The following PDE1A variants were observed in gnomAD, a reference collection of about 807,000 sequenced individuals.
The protein encoded by PDE1A is phosphodiesterase 1A, also known as dual specificity calcium/calmodulin-dependent 3',5'-cyclic nucleotide phosphodiesterase 1A.
In PDE1A, 35 loss-of-function variants were observed where a neutral mutation model predicts 61.7. That is an observed-to-expected ratio of 0.57 (90% CI 0.43 to 0.75). PDE1A has a LOEUF of 0.75. PDE1A is among the 30% of genes least tolerant of loss of function. The pLI is 0.00. For missense variants in PDE1A, 597 were observed against 630.6 expected (o/e 0.95, Z 0.57); for synonymous variants, 232 against 213.2 (o/e 1.09, Z -0.77).
At chr2:182,406,490 A>C (rs1229589425) in intron 1 of PDE1A, among the ~76,000 whole-genome samples, 1 of 152,138 alleles carries the variant, frequency 6.6e-6, no homozygotes, top group Non-Finnish European at 1.5e-5. Flanking sequence ...ATAAATTATC[A>C]ACTGCTGTGC....
the PDE1A span, among the ~76,000 whole-genome samples, chr2:182,679,182 A>T: frequency 2.1e-5 from 3 of 141,054 alleles, no homozygotes; most frequent in Admixed American, 6.9e-5. Flanking sequence ...TATTATTATT[A>T]TTATTATTAT....
chr2:182,292,408 A>G (rs1463598817), intron 1 of PDE1A, among the ~76,000 whole-genome samples: 2 of 151,970 alleles, frequency 1.3e-5, no homozygotes, highest in Non-Finnish European at 2.9e-5. Context: ...TCATGTTTTC[A>G]TATTTTAAAT....
the PDE1A span, among the ~76,000 whole-genome samples, chr2:182,610,961 A>C: frequency 1.3e-5 from 2 of 152,238 alleles, no homozygotes; most frequent in Non-Finnish European, 1.5e-5. Flanking sequence ...CACAAAGTGC[A>C]AGCCAAGTGC....
chr2:182,388,021 G>T (rs571427029), intron 1 of PDE1A, among the ~76,000 whole-genome samples: 1 of 152,194 alleles, frequency 6.6e-6, no homozygotes, highest in East Asian at 1.9e-4. Context: ...CCAAAAAAGA[G>T]CAGGAGTAAC....
the PDE1A span, among the ~76,000 whole-genome samples, chr2:182,597,142 A>AC: frequency 1.3e-5 from 2 of 150,780 alleles, no homozygotes; most frequent in African/African-American, 5.0e-5. Context: ...ACAGAGTGAG[A>AC]CCCCATCTCA....
At chr2:182,713,455 A>C in the PDE1A span, among the ~76,000 whole-genome samples, 1 of 152,058 alleles carries the variant, frequency 6.6e-6, no homozygotes, top group African/African-American at 2.4e-5. Context: ...ATATGATGAA[A>C]CCTCGTCTCT....
chr2:182,627,713 C>T, the PDE1A span, among the ~76,000 whole-genome samples: 3 of 151,348 alleles, frequency 2.0e-5, no homozygotes, highest in Non-Finnish European at 2.9e-5. Context: ...GAGGCTAAGG[C>T]GGGCGGATCA....
chr2:182,431,781 C>G (rs1231120399), upstream of PDE1A, among the ~76,000 whole-genome samples: 3 of 152,062 alleles, frequency 2.0e-5, no homozygotes, highest in Non-Finnish European at 4.4e-5. Flanking sequence ...CACTCTGTCT[C>G]TGGGGTCACT....
chr2:182,296,787 C>G lies in PDE1A; in HGVS notation c.54-32373G>C, dbSNP rs537042453. On this transcript the variant is annotated intron_variant, in intron 1 of 13. Transcript: ENST00000351439. Reference sequence around the variant, plus strand: ...TTAGATTAGTATTTAAATTTATGGGCGCAGTAAAATAGATTGCTCTCACTC... The same window carrying G: ...TTAGATTAGTATTTAAATTTATGGGGGCAGTAAAATAGATTGCTCTCACTC... Among the ~76,000 whole-genome samples the G allele has an allele frequency of 1.8e-3, 269 of 152,194 alleles. 1 individual carries two copies. Among genetic ancestry groups the G allele is most frequent in the African/African-American group, 6.3e-3 (263 of 41,526 alleles).
intron 2 of PDE1A, among the ~76,000 whole-genome samples, chr2:182,477,940 A>C (rs995036418): frequency 2.6e-5 from 4 of 151,808 alleles, no homozygotes; most frequent in African/African-American, 9.7e-5. Flanking sequence ...CCAGGTGTGT[A>C]GGAAGAAAAG....
At chr2:182,346,208 A>C (rs1233758857) in intron 1 of PDE1A, among the ~76,000 whole-genome samples, 3 of 152,158 alleles carry the variant, frequency 2.0e-5, no homozygotes, top group African/African-American at 7.2e-5. Context: ...ATCCCCACCA[A>C]CAAGAGGCAA....
At chr2:182,602,981 T>TCACACA in the PDE1A span, among the ~76,000 whole-genome samples, 456 of 148,778 alleles carry the variant, frequency 3.1e-3, 1 homozygote, top group Non-Finnish European at 5.2e-3. Flanking sequence ...CTAAAATACA[T>TCACACA]CACACACACA....
At chr2:182,700,132 T>G in the PDE1A span, among the ~76,000 whole-genome samples, 9 of 152,224 alleles carry the variant, frequency 5.9e-5, no homozygotes, top group South Asian at 1.9e-3. Context: ...TTAATACAAG[T>G]GCTTTCATAG....
the PDE1A span, among the ~76,000 whole-genome samples, chr2:182,573,248 A>G: frequency 6.6e-6 from 1 of 152,152 alleles, no homozygotes; most frequent in Non-Finnish European, 1.5e-5. Context: ...CTTTCATGTA[A>G]CTGTTGGGTG....
chr2:182,264,344 A>G, exon 2 of PDE1A: 4 of 1,613,664 alleles, frequency 2.5e-6, no homozygotes, highest in Non-Finnish European at 3.4e-6. Flanking sequence ...GATGCCGCAT[A>G]TTCAATATTC....
At chr2:182,506,445 G>A (rs968537527) in intron 2 of PDE1A, among the ~76,000 whole-genome samples, 2 of 152,132 alleles carry the variant, frequency 1.3e-5, no homozygotes, top group Non-Finnish European at 1.5e-5. Flanking sequence ...TCAGCTCTCA[G>A]CTGCTAAACT....
intron 1 of PDE1A, among the ~76,000 whole-genome samples, chr2:182,422,004 C>T (rs550716466): frequency 1.8e-4 from 28 of 152,202 alleles, no homozygotes; most frequent in East Asian, 9.7e-4. Context: ...CAGATACTTG[C>T]GAAAATAAAG....
chr2:182,450,540 C>T (rs1260086182), intron 2 of PDE1A, among the ~76,000 whole-genome samples: 1 of 123,376 alleles, frequency 8.1e-6, no homozygotes, highest in Non-Finnish European at 1.7e-5. Flanking sequence ...CAAGCTAGTC[C>T]TCAAAAATGT....
intron 1 of PDE1A, among the ~76,000 whole-genome samples, chr2:182,308,513 T>A (rs969770604): frequency 1.3e-5 from 2 of 152,134 alleles, no homozygotes; most frequent in African/African-American, 4.8e-5. Flanking sequence ...TAAATCCATA[T>A]GTGGATCATG....
Sources: allele counts gnomAD v4.1 joint callset (sites outside exome capture counted in the v4.1 genomes callset), GRCh38; gene constraint gnomAD v4.1.1; transcripts MANE v1.5; gene names NCBI Gene and HGNC (gene_info 2026-07-23, HGNC 2026-07-21).